The following KCNK2 variants were observed in gnomAD, a reference collection of about 807,000 sequenced individuals.
The protein encoded by KCNK2 is potassium two pore domain channel subfamily K member 2.
Under a neutral mutation model 40.5 loss-of-function variants are expected in KCNK2, and 21 were observed. That is an observed-to-expected ratio of 0.52 (90% CI 0.37 to 0.75). The LOEUF (loss-of-function observed/expected upper bound fraction) is 0.75, where lower values mean the gene tolerates loss of function less well. KCNK2 is among the 30% of genes least tolerant of loss of function. KCNK2 has a pLI of 0.00. For synonymous variants in KCNK2, 191 were observed against 202.2 expected, an observed-to-expected ratio of 0.94 and a Z score of 0.47; for missense variants, 399 against 531.6, an observed-to-expected ratio of 0.75 and a Z score of 2.45.
chr1:215,146,410 T>G lies in KCNK2; in HGVS notation c.475+21660T>G, dbSNP rs576713252. On this transcript the variant is annotated intron_variant, in intron 3 of 6. Coordinates refer to ENST00000444842, the MANE Select transcript of KCNK2 (RefSeq NM_001017425.3). ...ACAACTGTCATGTAGGATTTTATTATGTAAGTTGCAACTAAAAATAGCAAG... is the reference window on the plus strand; with the variant it reads ...ACAACTGTCATGTAGGATTTTATTAGGTAAGTTGCAACTAAAAATAGCAAG... Among the ~76,000 whole-genome samples the G allele has an allele frequency of 3.3e-5, 5 of 152,200 alleles. No homozygotes were observed. The South Asian group carries it at 1.0e-3, about 31-fold the overall frequency.
chr1:215,112,868 C>T (rs1310029083), intron 2 of KCNK2, among the ~76,000 whole-genome samples: 3 of 152,112 alleles, frequency 2.0e-5, no homozygotes, highest in Non-Finnish European at 4.4e-5. Flanking sequence ...GAAGTACTCT[C>T]TATGATGTTC....
intron 1 of KCNK2, among the ~76,000 whole-genome samples, chr1:215,029,303 G>T (rs1390355574): frequency 6.6e-6 from 1 of 151,540 alleles, no homozygotes; most frequent in African/African-American, 2.4e-5. Context: ...CGACCGCATG[G>T]TAACCTCTGA....
chr1:215,103,921 C>A (rs1265395548), intron 2 of KCNK2, among the ~76,000 whole-genome samples: 1 of 151,914 alleles, frequency 6.6e-6, no homozygotes, highest in Non-Finnish European at 1.5e-5. Context: ...TTAATAGGAA[C>A]CTACTGAGAT....
At chr1:215,181,482 C>A (rs972537319) in intron 5 of KCNK2, among the ~76,000 whole-genome samples, 9 of 152,110 alleles carry the variant, frequency 5.9e-5, no homozygotes, top group Non-Finnish European at 1.2e-4. Flanking sequence ...GGAGACACTG[C>A]CACTTCTAAT....
rs555445402 is a variant in KCNK2 at position 215,194,771 on chromosome 1, T to C, written c.824-182T>C. Among the ~76,000 whole-genome samples, 7 of 152,184 alleles carry C rather than the reference T, an allele frequency of 4.6e-5. No homozygotes were observed. In the East Asian group the frequency reaches 1.2e-3, roughly 25 times the overall value. The stretch of plus-strand genomic sequence containing the variant: ...AGAAAAACAACTTGTTCTTGAAAAA[T>C]AGGTAAGAATTACGAGTGAAAAGGA... On this transcript the variant is annotated intron_variant, in intron 5 of 6. Transcript: ENST00000444842.
chr1:215,169,155 T>G (rs768614162), intron 3 of KCNK2, 44 bp from the exon 4 acceptor site: 1 of 1,498,308 alleles, frequency 6.7e-7, no homozygotes, highest in Admixed American at 2.2e-5. Flanking sequence ...TCATATGTTT[T>G]AAACAACTAT....
intron 1 of KCNK2, among the ~76,000 whole-genome samples, chr1:215,058,646 T>C (rs541172694): frequency 6.6e-6 from 1 of 152,190 alleles, no homozygotes; most frequent in Non-Finnish European, 1.5e-5. Flanking sequence ...CATTGTACTA[T>C]GTTTAAAATC....
chr1:215,133,735 G>A (rs887790262), intron 3 of KCNK2, among the ~76,000 whole-genome samples: 1 of 151,772 alleles, frequency 6.6e-6, no homozygotes, highest in African/African-American at 2.4e-5. Context: ...AAGTACCTGT[G>A]CCAAATGAAG....
rs1314867792 is a variant in KCNK2 at position 215,083,130 on chromosome 1, C to G, written c.-256C>G. 2 of 681,168 alleles carry G rather than the reference C, an allele frequency of 2.9e-6. No homozygotes were observed. The highest frequency in any genetic ancestry group is 4.7e-6 in the Non-Finnish European group (2 of 424,332). 42.2% of individuals were successfully genotyped at this position (681,168 alleles called of 1,614,324 possible). ...CGGCGCCCAAGCCCAACTTGGCCTC[C>G]GCCTCGCCCTCTGCCCAGCCCGCCG... On this transcript the variant is annotated 5_prime_UTR_variant, in exon 1 of 7. Coordinates refer to ENST00000444842, the MANE Select transcript of KCNK2 (RefSeq NM_001017425.3).
chr1:215,062,453 A>G (rs1016427936), intron 1 of KCNK2, among the ~76,000 whole-genome samples: 6 of 151,982 alleles, frequency 3.9e-5, no homozygotes, highest in Non-Finnish European at 7.4e-5. Context: ...ATTTACACAC[A>G]GGTGGAACAC....
At chr1:215,069,628 A>G (rs1289256693) in intron 1 of KCNK2, among the ~76,000 whole-genome samples, 1 of 151,702 alleles carries the variant, frequency 6.6e-6, no homozygotes. Context: ...CACATTTTCA[A>G]ATGTTAACTT....
chr1:215,092,142 G>A (rs1401150676), intron 2 of KCNK2, among the ~76,000 whole-genome samples: 1 of 152,106 alleles, frequency 6.6e-6, no homozygotes, highest in South Asian at 2.1e-4. Context: ...AAATGAGGGG[G>A]GCTTGACCTA....
chr1:215,023,433 T>G (rs1214593017), intron 1 of KCNK2, among the ~76,000 whole-genome samples: 1 of 152,206 alleles, frequency 6.6e-6, no homozygotes, highest in Non-Finnish European at 1.5e-5. Context: ...CCCTCAGCCA[T>G]AAGTATGTCA....
chr1:215,175,187 A>T (rs2102641777), intron 5 of KCNK2, among the ~76,000 whole-genome samples: 1 of 152,234 alleles, frequency 6.6e-6, no homozygotes, highest in African/African-American at 2.4e-5. Context: ...AGGGCTGTTT[A>T]GTTTTGTCAA....
chr1:215,218,364 A>T (rs192305578), intron 6 of KCNK2, among the ~76,000 whole-genome samples: 1 of 152,162 alleles, frequency 6.6e-6, no homozygotes, highest in East Asian at 1.9e-4. Context: ...TAAATCAACC[A>T]CATATTTACC....
intron 1 of KCNK2, among the ~76,000 whole-genome samples, chr1:215,037,266 A>G (rs974632145): frequency 5.3e-5 from 8 of 151,892 alleles, no homozygotes; most frequent in African/African-American, 1.9e-4. Flanking sequence ...TGATTTCTCT[A>G]TATCTATTCC....
intron 5 of KCNK2, among the ~76,000 whole-genome samples, chr1:215,185,131 T>C (rs1664381832): frequency 1.6e-5 from 1 of 63,296 alleles, no homozygotes; most frequent in Non-Finnish European, 3.7e-5. Context: ...TCAAATCTGT[T>C]AATTTTTTTT....
chr1:215,128,332 G>T (rs1426624563), intron 3 of KCNK2, among the ~76,000 whole-genome samples: 1 of 152,174 alleles, frequency 6.6e-6, no homozygotes, highest in East Asian at 1.9e-4. Context: ...ATGGCTGCTG[G>T]GAGTTGATGG....
chr1:215,009,263 C>T (rs564078117), intron 1 of KCNK2, among the ~76,000 whole-genome samples: 1 of 152,062 alleles, frequency 6.6e-6, no homozygotes, highest in Non-Finnish European at 1.5e-5. Flanking sequence ...GCAGAACCAC[C>T]ATTTTTATAC....
Sources: allele counts gnomAD v4.1 joint callset (sites outside exome capture counted in the v4.1 genomes callset), GRCh38; gene constraint gnomAD v4.1.1; transcripts MANE v1.5; gene names NCBI Gene and HGNC (gene_info 2026-07-23, HGNC 2026-07-21).